The following CSMD1 variants were observed in gnomAD, a reference collection of about 807,000 sequenced individuals.
CSMD1 encodes the protein CUB and Sushi multiple domains 1, also known as CUB and sushi domain-containing protein 1.
In CSMD1, 213 loss-of-function variants were observed where a neutral mutation model predicts 417.5. The ratio of observed to expected loss-of-function variants is 0.51; its 90% CI spans 0.46 to 0.57. The LOEUF is 0.57. CSMD1 is among the 20% of genes least tolerant of loss of function. CSMD1 has a pLI of 0.00. For missense variants in CSMD1, 6,923 were observed against 4,529.7 expected, an observed-to-expected ratio of 1.53 and a Z score of -15.17; for synonymous variants, 2,862 against 1,736.8, an observed-to-expected ratio of 1.65 and a Z score of -16.11.
intron 18 of CSMD1, among the ~76,000 whole-genome samples, chr8:3,375,494 T>C (rs755637176): frequency 1.3e-5 from 2 of 152,182 alleles, no homozygotes; most frequent in African/African-American, 2.4e-5. Flanking sequence ...ATAATATTCA[T>C]AGACTCTCCA....
chr8:4,800,366 G>A (rs372349351), intron 1 of CSMD1, among the ~76,000 whole-genome samples: 1 of 151,008 alleles, frequency 6.6e-6, no homozygotes, highest in African/African-American at 2.4e-5. Context: ...GGGAGGTGGA[G>A]GTTGCAGTGA....
chr8:4,114,565 G>GT (rs1554454287), intron 3 of CSMD1, among the ~76,000 whole-genome samples: 8 of 152,082 alleles, frequency 5.3e-5, no homozygotes, highest in Non-Finnish European at 1.0e-4. Context: ...CTTAATAAAT[G>GT]CATAAGTCTA....
intron 10 of CSMD1, among the ~76,000 whole-genome samples, chr8:3,562,602 T>C (rs1333474914): frequency 6.6e-6 from 1 of 152,142 alleles, no homozygotes. Context: ...CTCAGTAAAA[T>C]TTTATTTCTA....
chr8:3,246,028 A>T (rs916487176), intron 26 of CSMD1, among the ~76,000 whole-genome samples: 3 of 152,064 alleles, frequency 2.0e-5, no homozygotes, highest in Non-Finnish European at 4.4e-5. Flanking sequence ...ATTTCCCCCA[A>T]CGCACTTGCC....
At chr8:3,703,270 G>A (rs1034065035) in intron 7 of CSMD1, among the ~76,000 whole-genome samples, 1 of 152,186 alleles carries the variant, frequency 6.6e-6, no homozygotes, top group Non-Finnish European at 1.5e-5. Flanking sequence ...TTTTGTGCAT[G>A]TTAATGATGA....
chr8:3,857,002 T>C (rs1283604743), intron 5 of CSMD1, among the ~76,000 whole-genome samples: 2 of 152,196 alleles, frequency 1.3e-5, no homozygotes, highest in South Asian at 4.1e-4. Flanking sequence ...AGAGAAATTT[T>C]TGTAATGGCA....
intron 2 of CSMD1, among the ~76,000 whole-genome samples, chr8:4,421,270 T>C (rs1193224400): frequency 6.6e-6 from 1 of 151,906 alleles, no homozygotes; most frequent in Non-Finnish European, 1.5e-5. Flanking sequence ...AAACAGTGAG[T>C]TTAAATTCTC....
intron 2 of CSMD1, among the ~76,000 whole-genome samples, chr8:4,635,119 A>T (rs1373547415): frequency 6.6e-6 from 1 of 152,184 alleles, no homozygotes; most frequent in African/African-American, 2.4e-5. Context: ...AATTGTCGGT[A>T]ACTGAGTGAT....
chr8:4,336,255 G>C (rs139699410), intron 3 of CSMD1, among the ~76,000 whole-genome samples: 1 of 152,094 alleles, frequency 6.6e-6, no homozygotes, highest in Non-Finnish European at 1.5e-5. Context: ...GGTCTTGCTC[G>C]TCCAAAAATA....
In CSMD1 at chr8:3,214,538, T is replaced by C. The variant is rs201547302; in HGVS notation, c.4826A>G (p.Asp1609Gly). ...PSSITCVIGA[D>G]GKPSWDQVLP... ...CACTTGGTCCCAGGAGGGTTTCCCA[T>C]CAGCCCCAATCACACAGGTGATGGA... Residue 1609 changes from aspartate to glycine, a missense_variant, in exon 30 of 70, where the codon GAT (aspartate) becomes GGT (glycine). Physicochemically the swap from Asp to Gly is moderately conservative, Grantham distance 94 (BLOSUM62 -1). Coordinates refer to ENST00000635120, the MANE Select transcript of CSMD1 (RefSeq NM_033225.6). 11 of 1,600,010 alleles carry C rather than the reference T, an allele frequency of 6.9e-6. No homozygotes were observed. Among genetic ancestry groups the C allele is most frequent in the Middle Eastern group, 1.6e-4 (1 of 6,066 alleles).
intron 12 of CSMD1, among the ~76,000 whole-genome samples, chr8:3,429,832 AC>A (rs1164246837): frequency 6.6e-6 from 1 of 152,204 alleles, no homozygotes; most frequent in East Asian, 1.9e-4. Context: ...CACCTCCCCC[AC>A]AAAAATACAT....
chr8:4,615,182 C>A (rs974419927), intron 2 of CSMD1, among the ~76,000 whole-genome samples: 3 of 152,154 alleles, frequency 2.0e-5, no homozygotes, highest in Non-Finnish European at 2.9e-5. Context: ...ATCGCCCTTA[C>A]ACTCTCCATG....
chr8:4,748,264 G>C (rs558529144), intron 1 of CSMD1, among the ~76,000 whole-genome samples: 70 of 152,338 alleles, frequency 4.6e-4, no homozygotes, highest in Non-Finnish European at 8.4e-4. Flanking sequence ...ACAATCTTTA[G>C]AAAGCACACA....
intron 47 of CSMD1, 85 bp from the exon 48 acceptor site, chr8:3,091,747 G>C (rs1365498747): frequency 1.7e-6 from 2 of 1,200,200 alleles, no homozygotes; most frequent in South Asian, 1.4e-5. Flanking sequence ...GATTACACTG[G>C]AGTCTACGTG....
At chr8:3,572,204 G>A (rs1486370816) in intron 10 of CSMD1, among the ~76,000 whole-genome samples, 2 of 152,170 alleles carry the variant, frequency 1.3e-5, no homozygotes, top group Non-Finnish European at 2.9e-5. Context: ...GAAGGGCGGT[G>A]GGAGCCCCCT....
intron 25 of CSMD1, among the ~76,000 whole-genome samples, chr8:3,295,133 T>C (rs907148214): frequency 1.3e-5 from 2 of 152,052 alleles, no homozygotes; most frequent in African/African-American, 4.8e-5. Flanking sequence ...TTATTTATTT[T>C]ATTTTATTTG....
chr8:4,729,974 A>T (rs1809736652), intron 1 of CSMD1, among the ~76,000 whole-genome samples: 1 of 152,170 alleles, frequency 6.6e-6, no homozygotes, highest in Admixed American at 6.5e-5. Context: ...ACACGGGACA[A>T]ATCACTTCTC....
intron 5 of CSMD1, among the ~76,000 whole-genome samples, chr8:3,946,965 C>T (rs752576073): frequency 5.9e-5 from 9 of 152,172 alleles, no homozygotes; most frequent in Non-Finnish European, 1.0e-4. Context: ...ACAAAATTCA[C>T]AGCAATCACA....
At chr8:3,898,067 G>A (rs139398099) in intron 5 of CSMD1, among the ~76,000 whole-genome samples, 95 of 152,280 alleles carry the variant, frequency 6.2e-4, no homozygotes, top group African/African-American at 2.2e-3. Context: ...TACAAACAAG[G>A]TATGGAGGGA....
Sources: allele counts gnomAD v4.1 joint callset (sites outside exome capture counted in the v4.1 genomes callset), GRCh38; gene constraint gnomAD v4.1.1; transcripts MANE v1.5; gene names NCBI Gene and HGNC (gene_info 2026-07-23, HGNC 2026-07-21).